The following DSCAM variants were observed in gnomAD, a reference collection of about 807,000 sequenced individuals.
DSCAM encodes DS cell adhesion molecule.
In DSCAM, 47 loss-of-function variants were observed where a neutral mutation model predicts 217.7. That is an observed-to-expected ratio of 0.22 (90% CI 0.17 to 0.28). The LOEUF is 0.28. Among genes scored for constraint, DSCAM ranks in the 10% least tolerant of loss-of-function variants. The probability of loss-of-function intolerance (pLI) is 1.00; values close to 1 mark genes in which losing one functional copy is unlikely to be tolerated. For missense variants in DSCAM, 2,080 were observed against 2,618.3 expected (o/e 0.79, Z 4.49); for synonymous variants, 1,056 against 1,015.3 (o/e 1.04, Z -0.76).
chr21:40,622,099 A>G (rs534389314), intron 3 of DSCAM, among the ~76,000 whole-genome samples: 10 of 152,250 alleles, frequency 6.6e-5, no homozygotes, highest in African/African-American at 2.4e-4. Context: ...TACTCAGTTG[A>G]TGCATTGCTA....
rs544141160 is a variant in DSCAM at position 40,565,637 on chromosome 21, G to A, written c.508+127173C>T. On this transcript the variant is annotated intron_variant, in intron 3 of 32. Coordinates refer to ENST00000400454, the MANE Select transcript of DSCAM (RefSeq NM_001389.5). ...CCCACATGTTCACACTCAGTGCCTC[G>A]GGGGCTTCAAGATGTCCCAGAACCG... Among the ~76,000 whole-genome samples the A allele has an allele frequency of 8.5e-5, 13 of 152,208 alleles. 1 individual carries two copies. The highest frequency in any genetic ancestry group is 2.2e-4 in the African/African-American group (9 of 41,520).
In DSCAM at chr21:40,289,722, C is replaced by T. The variant is rs545703563; in HGVS notation, c.2182+6333G>A. Among the ~76,000 whole-genome samples the T allele has an allele frequency of 6.6e-5, 10 of 152,134 alleles. No individual in the cohort carries two copies. In the South Asian group the frequency reaches 2.1e-3, roughly 32 times the overall value. On this transcript the variant is annotated intron_variant, in intron 10 of 32. Transcript: ENST00000400454. ...AGGGGTATGCATGTGTAGGAAAGCG[C>T]ATAGTATATGTAGGGTTTGGTGCTC... is the stretch of plus-strand genomic sequence containing the variant.
At chr21:40,242,566 T>C (rs2073167952) in intron 11 of DSCAM, among the ~76,000 whole-genome samples, 1 of 152,192 alleles carries the variant, frequency 6.6e-6, no homozygotes, top group African/African-American at 2.4e-5. Flanking sequence ...AAATAAGCTG[T>C]GAGCATAAGC....
At chr21:40,421,154 T>G (rs1010850438) in intron 3 of DSCAM, among the ~76,000 whole-genome samples, 1 of 152,162 alleles carries the variant, frequency 6.6e-6, no homozygotes, top group Non-Finnish European at 1.5e-5. Context: ...TTGATGTGTG[T>G]TCAAGACTTG....
intron 3 of DSCAM, among the ~76,000 whole-genome samples, chr21:40,676,016 C>A (rs1372920371): frequency 6.6e-6 from 1 of 152,108 alleles, no homozygotes; most frequent in African/African-American, 2.4e-5. Context: ...TTTTTCCCAC[C>A]ACCAAAAAGG....
At chr21:40,143,342 A>G (rs945629344) in intron 17 of DSCAM, among the ~76,000 whole-genome samples, 1 of 152,230 alleles carries the variant, frequency 6.6e-6, no homozygotes, top group Non-Finnish European at 1.5e-5. Flanking sequence ...ATCTTAATGA[A>G]AAATGAGCAT....
At chr21:40,696,084 A>C (rs1402165238) in intron 2 of DSCAM, among the ~76,000 whole-genome samples, 2 of 117,464 alleles carry the variant, frequency 1.7e-5, no homozygotes, top group Non-Finnish European at 3.4e-5. Context: ...GATGCAGGCA[A>C]AAAAAAAAAT....
intron 11 of DSCAM, among the ~76,000 whole-genome samples, chr21:40,219,115 T>C (rs2091268474): frequency 6.6e-6 from 1 of 152,236 alleles, no homozygotes; most frequent in East Asian, 1.9e-4. Context: ...TGTGGGTTTG[T>C]CATATATAGC....
chr21:40,831,846 A>C (rs2092014220), intron 1 of DSCAM, among the ~76,000 whole-genome samples: 4 of 152,204 alleles, frequency 2.6e-5, no homozygotes, highest in Admixed American at 2.6e-4. Context: ...AAAGTAAATG[A>C]ATTTTCCATT....
intron 3 of DSCAM, among the ~76,000 whole-genome samples, chr21:40,400,489 C>G (rs2075223536): frequency 1.3e-5 from 2 of 152,108 alleles, no homozygotes; most frequent in African/African-American, 4.8e-5. Flanking sequence ...TGTGAATATT[C>G]TACTGAGGTA....
chr21:40,590,279 T>G (rs1353484706), intron 3 of DSCAM, among the ~76,000 whole-genome samples: 2 of 152,196 alleles, frequency 1.3e-5, no homozygotes, highest in Admixed American at 1.3e-4. Flanking sequence ...AAATGCAAGA[T>G]TCGAATATCC....
intron 3 of DSCAM, among the ~76,000 whole-genome samples, chr21:40,493,124 T>C (rs1396025069): frequency 6.6e-6 from 1 of 152,216 alleles, no homozygotes; most frequent in East Asian, 1.9e-4. Context: ...AACAAACCTG[T>C]CCTTCAGAAA....
chr21:40,400,438 A>G (rs1382111294), intron 3 of DSCAM, among the ~76,000 whole-genome samples: 1 of 152,220 alleles, frequency 6.6e-6, no homozygotes, highest in Non-Finnish European at 1.5e-5. Flanking sequence ...AGATATGTAG[A>G]TGGAAAATAA....
intron 1 of DSCAM, among the ~76,000 whole-genome samples, chr21:40,774,668 T>C (rs1351925448): frequency 6.6e-6 from 1 of 152,128 alleles, no homozygotes; most frequent in African/African-American, 2.4e-5. Flanking sequence ...TCTGTACAAA[T>C]GGAACACATT....
intron 10 of DSCAM, among the ~76,000 whole-genome samples, chr21:40,281,727 T>G (rs949800519): frequency 1.2e-4 from 19 of 152,214 alleles, no homozygotes; most frequent in African/African-American, 4.6e-4. Flanking sequence ...TTTTTTGTAT[T>G]TTTGTTTGTT....
At chr21:40,641,120 A>G (rs1251762386) in intron 3 of DSCAM, among the ~76,000 whole-genome samples, 2 of 152,226 alleles carry the variant, frequency 1.3e-5, no homozygotes, top group African/African-American at 4.8e-5. Flanking sequence ...GGAATTTTAC[A>G]TATGTAACTC....
intron 3 of DSCAM, among the ~76,000 whole-genome samples, chr21:40,370,804 T>A (rs185169964): frequency 6.6e-6 from 1 of 151,958 alleles, no homozygotes; most frequent in Non-Finnish European, 1.5e-5. Flanking sequence ...TATTTTTTTA[T>A]AGAGACGAGA....
intron 32 of DSCAM, among the ~76,000 whole-genome samples, chr21:40,019,671 G>C (rs1196138530): frequency 6.6e-6 from 1 of 152,118 alleles, no homozygotes; most frequent in Non-Finnish European, 1.5e-5. Context: ...TTGAACTCCA[G>C]GGTCACCATA....
chr21:40,552,305 C>T (rs1362041161), intron 3 of DSCAM, among the ~76,000 whole-genome samples: 4 of 123,476 alleles, frequency 3.2e-5, no homozygotes, highest in African/African-American at 1.1e-4. Flanking sequence ...CAGAGTGACA[C>T]TTCGTCTCAA....
Sources: allele counts gnomAD v4.1 joint callset (sites outside exome capture counted in the v4.1 genomes callset), GRCh38; gene constraint gnomAD v4.1.1; transcripts MANE v1.5; gene names NCBI Gene and HGNC (gene_info 2026-07-23, HGNC 2026-07-21).